The following ZBTB7C variants were observed in gnomAD, a reference collection of about 807,000 sequenced individuals.
ZBTB7C encodes zinc finger and BTB domain containing 7C, also known as zinc finger and BTB domain-containing protein 7C.
A neutral mutation model predicts 25.7 loss-of-function variants in ZBTB7C; 8 were observed. The observed-to-expected ratio is 0.31, with a 90% CI of 0.18 to 0.56. ZBTB7C has a LOEUF of 0.56. Ranked by LOEUF, ZBTB7C falls within the 20% of genes least tolerant of loss-of-function variation. The probability of loss-of-function intolerance (pLI) is 0.91; values close to 1 mark genes in which losing one functional copy is unlikely to be tolerated. For missense variants in ZBTB7C, 824 were observed against 855.2 expected, an observed-to-expected ratio of 0.96 and a Z score of 0.46; for synonymous variants, 394 against 369.0, an observed-to-expected ratio of 1.07 and a Z score of -0.78.
At chr18:48,215,918 T>C (rs1421490384) in intron 2 of ZBTB7C, among the ~76,000 whole-genome samples, 2 of 152,260 alleles carry the variant, frequency 1.3e-5, no homozygotes, top group Non-Finnish European at 2.9e-5. Context: ...TGCTGTCATG[T>C]GATGCTATAC....
chr18:48,272,943 G>A (rs1254243638), intron 2 of ZBTB7C, among the ~76,000 whole-genome samples: 2 of 152,172 alleles, frequency 1.3e-5, no homozygotes, highest in African/African-American at 4.8e-5. Flanking sequence ...GAAACATAGA[G>A]GACAGGCAAA....
At chr18:48,084,019 C>T (rs113204885) in intron 3 of ZBTB7C, 280 of 363,734 alleles carry the variant, frequency 7.7e-4, no homozygotes, top group African/African-American at 5.3e-3. Flanking sequence ...GTTTCCACAC[C>T]GAAGGAAACT....
chr18:48,091,836 T>A (rs959768559), intron 3 of ZBTB7C, among the ~76,000 whole-genome samples: 2 of 152,196 alleles, frequency 1.3e-5, no homozygotes. Flanking sequence ...CAATGATACC[T>A]TCAGAGGCCA....
At chr18:48,392,579 C>T (rs1311860489) in intron 1 of ZBTB7C, among the ~76,000 whole-genome samples, 1 of 152,164 alleles carries the variant, frequency 6.6e-6, no homozygotes, top group African/African-American at 2.4e-5. Context: ...TAAGAACTGC[C>T]TGAAAATCAG....
At chr18:48,314,562 A>T (rs2045903722) in intron 2 of ZBTB7C, among the ~76,000 whole-genome samples, 1 of 152,190 alleles carries the variant, frequency 6.6e-6, no homozygotes, top group African/African-American at 2.4e-5. Context: ...GTCACTGCAT[A>T]TAGTGGCCAA....
At chr18:48,356,535 T>C (rs978873289) in intron 1 of ZBTB7C, among the ~76,000 whole-genome samples, 5 of 152,032 alleles carry the variant, frequency 3.3e-5, no homozygotes, top group African/African-American at 1.2e-4. Flanking sequence ...AGGAAGGCCC[T>C]CCTCCAGGTC....
chr18:48,323,452 A>G (rs908082965), intron 2 of ZBTB7C, among the ~76,000 whole-genome samples: 8 of 152,234 alleles, frequency 5.3e-5, no homozygotes, highest in African/African-American at 1.9e-4. Context: ...AGGAGCACAC[A>G]ACAAGACAAA....
At chr18:48,273,321 G>A (rs79774913) in intron 2 of ZBTB7C, among the ~76,000 whole-genome samples, 2,380 of 151,992 alleles carry the variant, frequency 0.016, 61 homozygotes, top group African/African-American at 0.054. Context: ...AGAAAACTCA[G>A]TAAGACTTAC....
intron 1 of ZBTB7C, among the ~76,000 whole-genome samples, chr18:48,357,848 G>C (rs1307774144): frequency 4.6e-5 from 7 of 152,208 alleles, no homozygotes; most frequent in Admixed American, 1.3e-4. Context: ...TAACGGCACA[G>C]AGTAGAAGTT....
chr18:48,357,872 G>T (rs75252382), intron 1 of ZBTB7C, among the ~76,000 whole-genome samples: 1 of 152,152 alleles, frequency 6.6e-6, no homozygotes, highest in South Asian at 2.1e-4. Context: ...GTTACACAGC[G>T]GATAAAGTTT....
chr18:48,109,971 G>C (rs112991122), intron 3 of ZBTB7C, among the ~76,000 whole-genome samples: 1 of 152,080 alleles, frequency 6.6e-6, no homozygotes, highest in African/African-American at 2.4e-5. Flanking sequence ...CAGCAAAGGT[G>C]GTCTGAGACT....
At chr18:48,306,946 G>A (rs7239011) in intron 2 of ZBTB7C, among the ~76,000 whole-genome samples, 1,620 of 152,222 alleles carry the variant, frequency 0.011, 31 homozygotes, top group African/African-American at 0.037. Context: ...AGTGTTCCAC[G>A]GAGCAGGCCC....
At chr18:48,323,880 C>T (rs2046154657) in intron 2 of ZBTB7C, among the ~76,000 whole-genome samples, 1 of 151,890 alleles carries the variant, frequency 6.6e-6, no homozygotes, top group South Asian at 2.1e-4. Context: ...TGTATACTCC[C>T]AAAACTCATA....
At chr18:48,198,708 G>A (rs1025753672) in intron 2 of ZBTB7C, among the ~76,000 whole-genome samples, 1 of 152,088 alleles carries the variant, frequency 6.6e-6, no homozygotes, top group African/African-American at 2.4e-5. Flanking sequence ...CACCCAGAGC[G>A]ATCTCCCCAT....
In ZBTB7C at chr18:48,088,147, A is replaced by G. The variant is rs1598854562; in HGVS notation, c.-16-47024T>C. ...GGGTCAGGAAGACAGCAGTGCCACAATAAAAGCATAAAGCTTTCGTCTGTG... is the reference window on the plus strand; with the variant it reads ...GGGTCAGGAAGACAGCAGTGCCACAGTAAAAGCATAAAGCTTTCGTCTGTG... On this transcript the variant is annotated intron_variant, in intron 3 of 4. Transcript: ENST00000590800. The G allele has an allele frequency of 2.0e-5, 3 of 152,350 alleles. No individual in the cohort carries two copies. The South Asian group carries it at 6.2e-4, about 32-fold the overall frequency. 9.4% of individuals were successfully genotyped at this position (152,350 alleles called of 1,614,324 possible).
At chr18:48,295,220 C>A (rs1004509371) in intron 2 of ZBTB7C, among the ~76,000 whole-genome samples, 1 of 152,152 alleles carries the variant, frequency 6.6e-6, no homozygotes, top group Non-Finnish European at 1.5e-5. Context: ...TTCGGTAGGT[C>A]CAGGGTGGGC....
At chr18:48,290,545 CT>C (rs2045192301) in intron 2 of ZBTB7C, among the ~76,000 whole-genome samples, 1 of 152,244 alleles carries the variant, frequency 6.6e-6, no homozygotes, top group Non-Finnish European at 1.5e-5. Context: ...CTAAGCAGAA[CT>C]GCTCCCCTGT....
intron 2 of ZBTB7C, among the ~76,000 whole-genome samples, chr18:48,256,698 G>A (rs544475377): frequency 6.6e-6 from 1 of 151,748 alleles, no homozygotes; most frequent in Admixed American, 6.6e-5. Flanking sequence ...AATGTATGAC[G>A]ATATTATCAT....
intron 3 of ZBTB7C, among the ~76,000 whole-genome samples, chr18:48,103,112 T>TTTATC (rs1555692160): frequency 1.5e-5 from 2 of 130,964 alleles, no homozygotes; most frequent in Non-Finnish European, 3.1e-5. Context: ...ATATTTTATA[T>TTTATC]TATCTATCTA....
Sources: allele counts gnomAD v4.1 joint callset (sites outside exome capture counted in the v4.1 genomes callset), GRCh38; gene constraint gnomAD v4.1.1; transcripts MANE v1.5; gene names NCBI Gene and HGNC (gene_info 2026-07-23, HGNC 2026-07-21).